Variants in EAF2 observed in about 807,000 individuals in gnomAD.
EAF2 encodes the protein ELL-associated factor 2.
A neutral mutation model predicts 29.4 loss-of-function variants in EAF2; 29 were observed. The ratio of observed to expected loss-of-function variants is 0.99; its 90% confidence interval spans 0.73 to 1.35. EAF2 has a LOEUF of 1.35. Among genes scored for constraint, EAF2 ranks in the 40% most tolerant of loss-of-function variants. EAF2 has a pLI of 0.00. For synonymous variants in EAF2, 103 were observed against 102.5 expected (o/e 1.00, Z -0.03); for missense variants, 292 against 312.0 (o/e 0.94, Z 0.48).
At chr3:121,883,575 T>C (rs1320602146) in intron 5 of EAF2, among the ~76,000 whole-genome samples, 1 of 152,218 alleles carries the variant, frequency 6.6e-6, no homozygotes, top group Non-Finnish European at 1.5e-5. Context: ...TTTCACAGAA[T>C]GTAGAAGAGT....
intron 5 of EAF2, among the ~76,000 whole-genome samples, chr3:121,884,943 G>T (rs1709258631): frequency 6.6e-6 from 1 of 152,112 alleles, no homozygotes; most frequent in African/African-American, 2.4e-5. Context: ...CAGTCTGTTT[G>T]CTTCAGATAA....
chr3:121,855,147 G>C (rs929564783), intron 3 of EAF2, among the ~76,000 whole-genome samples: 1 of 152,116 alleles, frequency 6.6e-6, no homozygotes. Flanking sequence ...ATCTTCATTA[G>C]TAAAAATTTA....
At chr3:121,841,459 C>A (rs1236317049) in intron 1 of EAF2, among the ~76,000 whole-genome samples, 3 of 130,538 alleles carry the variant, frequency 2.3e-5, no homozygotes, top group Non-Finnish European at 4.7e-5. Context: ...GAGCCGAAAT[C>A]GCGCCACTGT....
intron 4 of EAF2, among the ~76,000 whole-genome samples, chr3:121,864,849 C>G (rs1400242771): frequency 2.0e-5 from 3 of 151,890 alleles, no homozygotes; most frequent in Non-Finnish European, 4.4e-5. Flanking sequence ...AATAATTTAG[C>G]TCTGAGCTTC....
intron 5 of EAF2, among the ~76,000 whole-genome samples, chr3:121,882,135 G>A (rs1709199664): frequency 6.6e-6 from 1 of 152,034 alleles, no homozygotes; most frequent in Non-Finnish European, 1.5e-5. Context: ...GGTCACTTGA[G>A]GCCAGGAGTT....
chr3:121,865,501 T>A (rs1708907876), intron 4 of EAF2, among the ~76,000 whole-genome samples: 2 of 152,130 alleles, frequency 1.3e-5, no homozygotes, highest in Admixed American at 1.3e-4. Flanking sequence ...TTTTTGTAGC[T>A]TAAATTTTAC....
chr3:121,863,189 T>G (rs1708863968), intron 4 of EAF2, among the ~76,000 whole-genome samples: 1 of 152,136 alleles, frequency 6.6e-6, no homozygotes, highest in South Asian at 2.1e-4. Context: ...GATCTCAAAG[T>G]CTGTGCTGGG....
intron 4 of EAF2, among the ~76,000 whole-genome samples, chr3:121,865,417 C>T (rs1708906853): frequency 1.3e-5 from 2 of 151,992 alleles, no homozygotes; most frequent in Non-Finnish European, 1.5e-5. Context: ...TTTTCTTGAC[C>T]CTACTGTGCC....
intron 2 of EAF2, among the ~76,000 whole-genome samples, chr3:121,851,774 T>A (rs1708637196): frequency 6.6e-6 from 1 of 152,146 alleles, no homozygotes; most frequent in South Asian, 2.1e-4. Flanking sequence ...GGGAGGAGAA[T>A]AACAATAATC....
At chr3:121,864,614 G>C (rs1708891820) in intron 4 of EAF2, among the ~76,000 whole-genome samples, 1 of 151,676 alleles carries the variant, frequency 6.6e-6, no homozygotes, top group Admixed American at 6.6e-5. Context: ...TCAGGAGTTT[G>C]AGAGCAGCCT....
At chr3:121,865,423 G>A (rs1233786865) in intron 4 of EAF2, among the ~76,000 whole-genome samples, 1 of 152,114 alleles carries the variant, frequency 6.6e-6, no homozygotes, top group Admixed American at 6.6e-5. Flanking sequence ...TGACCCTACT[G>A]TGCCACTGAC....
At chr3:121,880,753 A>G (rs1403947690) in intron 5 of EAF2, among the ~76,000 whole-genome samples, 1 of 152,036 alleles carries the variant, frequency 6.6e-6, no homozygotes, top group African/African-American at 2.4e-5. Flanking sequence ...TAGGACTTCC[A>G]GTGCTGCGTT....
intron 1 of EAF2, among the ~76,000 whole-genome samples, chr3:121,839,800 A>C (rs942004832): frequency 1.3e-5 from 2 of 152,366 alleles, no homozygotes; most frequent in Non-Finnish European, 2.9e-5. Context: ...TTCTGTATCC[A>C]TTACATTAAA....
intron 3 of EAF2, among the ~76,000 whole-genome samples, 174 bp from the exon 4 acceptor site, chr3:121,856,837 T>C (rs1014042512): frequency 1.3e-5 from 2 of 152,194 alleles, no homozygotes; most frequent in Non-Finnish European, 2.9e-5. Context: ...ATCACAGAAA[T>C]AGAACTTGAT....
intron 4 of EAF2, among the ~76,000 whole-genome samples, chr3:121,872,314 T>C (rs1431529425): frequency 6.6e-6 from 1 of 151,980 alleles, no homozygotes; most frequent in Non-Finnish European, 1.5e-5. Flanking sequence ...ATGTGGAGTT[T>C]AGATTTAGAC....
intron 2 of EAF2, among the ~76,000 whole-genome samples, chr3:121,844,796 A>C (rs1490179671): frequency 6.6e-6 from 1 of 152,246 alleles, no homozygotes; most frequent in African/African-American, 2.4e-5. Context: ...TATTTATTAA[A>C]TTCCTACTAT....
At chr3:121,883,570 C>T (rs1709227004) in intron 5 of EAF2, among the ~76,000 whole-genome samples, 1 of 152,174 alleles carries the variant, frequency 6.6e-6, no homozygotes, top group African/African-American at 2.4e-5. Flanking sequence ...AAAAATTTCA[C>T]AGAATGTAGA....
rs371980481 is a variant in EAF2 at position 121,873,086 on chromosome 3, T to G, written c.736+298T>G. ...GGCTTACTTTTGGGTTCTTTTTTTCTTTTCATTCTACAATTTCTCCCTAAA... is the reference window on the plus strand; with the variant it reads ...GGCTTACTTTTGGGTTCTTTTTTTCGTTTCATTCTACAATTTCTCCCTAAA... On this transcript the variant is annotated intron_variant, in intron 5 of 5. Coordinates refer to ENST00000273668, the MANE Select transcript of EAF2 (RefSeq NM_018456.6). 35 of 684,928 alleles carry G rather than the reference T, an allele frequency of 5.1e-5. No individual in the cohort carries two copies. The East Asian group carries it at 5.9e-4, about 12-fold the overall frequency. 42.4% of individuals were successfully genotyped at this position (684,928 alleles called of 1,614,324 possible).
At chr3:121,884,797 T>C (rs574519428) in intron 5 of EAF2, among the ~76,000 whole-genome samples, 10 of 152,336 alleles carry the variant, frequency 6.6e-5, no homozygotes, top group Admixed American at 2.0e-4. Flanking sequence ...ATCTTATAAT[T>C]TATACGTGGC....
Sources: gnomAD v4.1 joint callset for allele counts (sites outside exome capture counted in the v4.1 genomes callset) on GRCh38, gnomAD v4.1.1 for gene constraint, MANE v1.5 for transcripts, NCBI Gene and HGNC (gene_info 2026-07-23, HGNC 2026-07-21) for gene names.